Variants in EYS observed in about 807,000 individuals in gnomAD.
EYS encodes EGF-like photoreceptor maintenance factor, also known as protein eyes shut homolog.
EYS carries 250 observed loss-of-function variants against 282.1 expected under a neutral mutation model. The observed-to-expected ratio is 0.89, with a 90% CI of 0.80 to 0.98. EYS has a LOEUF of 0.98. Among genes scored for constraint, EYS ranks in the 50% least tolerant of loss-of-function variants. The probability of loss-of-function intolerance (pLI) is 0.00; values close to 1 mark genes in which losing one functional copy is unlikely to be tolerated. For missense variants in EYS, 4,016 were observed against 3,709.0 expected (o/e 1.08, Z -2.15); for synonymous variants, 1,355 against 1,282.9 (o/e 1.06, Z -1.20).
chr6:64,782,917 A>T (rs1052131110), intron 22 of EYS, among the ~76,000 whole-genome samples: 5 of 152,182 alleles, frequency 3.3e-5, no homozygotes, highest in African/African-American at 1.2e-4. Flanking sequence ...GGCTTTCCAT[A>T]GTTTAAATTA....
At chr6:65,026,609 C>T (rs1772415810) in intron 13 of EYS, among the ~76,000 whole-genome samples, 1 of 152,054 alleles carries the variant, frequency 6.6e-6, no homozygotes, top group Non-Finnish European at 1.5e-5. Flanking sequence ...AAAATACTGT[C>T]AAGAAACAAG....
chr6:64,488,854 A>C (rs1776651529), intron 26 of EYS, among the ~76,000 whole-genome samples: 1 of 150,986 alleles, frequency 6.6e-6, no homozygotes, highest in Non-Finnish European at 1.5e-5. Flanking sequence ...TAATAGGAGA[A>C]TAAAATCCAG....
intron 35 of EYS, among the ~76,000 whole-genome samples, chr6:63,908,847 A>G (rs1197778709): frequency 2.6e-5 from 4 of 152,160 alleles, no homozygotes; most frequent in African/African-American, 9.7e-5. Context: ...TCACTTCTTC[A>G]CTAAAGAGAG....
chr6:64,285,130 A>T lies in EYS; in HGVS notation c.6191+21840T>A, dbSNP rs117075851. Reference sequence around the variant, plus strand: ...CATGGTGCAAAGTTTGTGAACTTTTATGCTCTGCTTCCCTTTTAAAACTGA... The same window carrying T: ...CATGGTGCAAAGTTTGTGAACTTTTTTGCTCTGCTTCCCTTTTAAAACTGA... On this transcript the variant is annotated intron_variant, in intron 30 of 42. Coordinates refer to ENST00000503581, the MANE Select transcript of EYS (RefSeq NM_001142800.2). Among the ~76,000 whole-genome samples, 311 of 152,302 alleles carry T rather than the reference A, an allele frequency of 2.0e-3. 2 individuals carry two copies. In the East Asian group the frequency reaches 0.038, roughly 19 times the overall value.
chr6:64,347,935 G>A (rs1024591906), intron 29 of EYS, among the ~76,000 whole-genome samples: 7 of 151,116 alleles, frequency 4.6e-5, no homozygotes, highest in Non-Finnish European at 7.4e-5. Flanking sequence ...TCTACTCACT[G>A]ATGAAGATAC....
chr6:64,481,536 A>T (rs1329783055), intron 26 of EYS, among the ~76,000 whole-genome samples: 1 of 151,524 alleles, frequency 6.6e-6, no homozygotes, highest in Admixed American at 6.6e-5. Context: ...ACACATACAC[A>T]TATATACATA....
At chr6:64,196,149 A>G (rs891283139) in intron 31 of EYS, among the ~76,000 whole-genome samples, 10 of 152,220 alleles carry the variant, frequency 6.6e-5, no homozygotes, top group Non-Finnish European at 1.5e-4. Context: ...AAAAATGCTC[A>G]TCATCACTGG....
At chr6:64,971,366 G>A (rs1161349329) in intron 14 of EYS, among the ~76,000 whole-genome samples, 3 of 151,950 alleles carry the variant, frequency 2.0e-5, no homozygotes, top group Non-Finnish European at 2.9e-5. Context: ...ACTTAAGGCG[G>A]TAGAGATAGG....
rs949204117 is a variant in EYS at position 64,593,150 on chromosome 6, G to A, written c.3844C>T (p.Pro1282Ser). The A allele has an allele frequency of 2.6e-6, 4 of 1,541,844 alleles. No homozygotes were observed. Among genetic ancestry groups the A allele is most frequent in the Non-Finnish European group, 3.5e-6 (4 of 1,143,090 alleles). ...ACTGGGTAAGTGTCCATTATGGCTG[G>A]TATTCTAGTAGCCTTTATAGATGGA... ...SFPSIKATRI[P>S]AIMDTYPVDQ... Residue 1282 changes from proline (P) to serine (S), a missense_variant, in exon 25 of 43, where the codon CCA (proline) becomes TCA (serine). Pro to Ser is a moderately conservative substitution (Grantham distance 74). Coordinates refer to ENST00000503581, the MANE Select transcript of EYS (RefSeq NM_001142800.2).
At chr6:64,442,918 G>T (rs934756555) in intron 26 of EYS, among the ~76,000 whole-genome samples, 1 of 138,950 alleles carries the variant, frequency 7.2e-6, no homozygotes, top group Non-Finnish European at 1.6e-5. Flanking sequence ...TTGGGTGGGA[G>T]CCCTGACACA....
intron 5 of EYS, among the ~76,000 whole-genome samples, chr6:65,463,973 T>C (rs936896217): frequency 1.3e-5 from 2 of 152,160 alleles, no homozygotes; most frequent in Non-Finnish European, 2.9e-5. Context: ...TTTTAATATA[T>C]TTAATTTCAT....
At chr6:65,599,227 G>GA (rs993549326) in intron 2 of EYS, among the ~76,000 whole-genome samples, 1 of 151,686 alleles carries the variant, frequency 6.6e-6, no homozygotes, top group African/African-American at 2.4e-5. Context: ...TGTAATTATT[G>GA]AAAAAAATCT....
At chr6:64,738,867 C>T (rs1217028784) in intron 22 of EYS, among the ~76,000 whole-genome samples, 2 of 152,192 alleles carry the variant, frequency 1.3e-5, no homozygotes, top group Non-Finnish European at 1.5e-5. Flanking sequence ...AAGAGATTCT[C>T]CTGCCTCAGG....
chr6:65,097,041 T>C (rs561322034), intron 12 of EYS, among the ~76,000 whole-genome samples: 1 of 150,734 alleles, frequency 6.6e-6, no homozygotes, highest in Non-Finnish European at 1.5e-5. Context: ...GAAAAGGAAA[T>C]GATCAACAGC....
At chr6:64,041,431 G>A (rs76903990) in intron 33 of EYS, among the ~76,000 whole-genome samples, 112 of 152,258 alleles carry the variant, frequency 7.4e-4, no homozygotes, top group Non-Finnish European at 1.5e-3. Flanking sequence ...AGTATTGCTC[G>A]TTGAAAACAC....
At chr6:65,196,692 A>C (rs1765774497) in intron 12 of EYS, among the ~76,000 whole-genome samples, 1 of 152,254 alleles carries the variant, frequency 6.6e-6, no homozygotes, top group East Asian at 1.9e-4. Context: ...AAAGAAAACT[A>C]AAGCAGTAAG....
At chr6:64,034,667 C>T (rs921783856) in intron 33 of EYS, among the ~76,000 whole-genome samples, 21 of 152,242 alleles carry the variant, frequency 1.4e-4, no homozygotes, top group African/African-American at 3.6e-4. Context: ...TTCCCATGTG[C>T]GACCAAGTTT....
intron 26 of EYS, among the ~76,000 whole-genome samples, chr6:64,495,539 A>G (rs907171061): frequency 6.6e-6 from 1 of 151,806 alleles, no homozygotes; most frequent in African/African-American, 2.4e-5. Flanking sequence ...AAAAAACTTA[A>G]TGAGAAATCG....
chr6:63,841,101 A>G (rs1375927836), intron 36 of EYS, among the ~76,000 whole-genome samples: 4 of 152,232 alleles, frequency 2.6e-5, no homozygotes, highest in African/African-American at 9.6e-5. Flanking sequence ...GGCTCAAATT[A>G]TAATTGATAA....
Sources: allele counts gnomAD v4.1 joint callset (sites outside exome capture counted in the v4.1 genomes callset), GRCh38; gene constraint gnomAD v4.1.1; transcripts MANE v1.5; gene names NCBI Gene and HGNC (gene_info 2026-07-23, HGNC 2026-07-21).